Variants in TENM3 observed in about 807,000 individuals in gnomAD.
TENM3 encodes the protein teneurin transmembrane protein 3.
Under a neutral mutation model 255.1 loss-of-function variants are expected in TENM3, and 63 were observed. The ratio of observed to expected loss-of-function variants is 0.25; its 90% CI spans 0.20 to 0.30. The LOEUF is 0.30. TENM3 is among the 10% of genes least tolerant of loss of function. TENM3 has a pLI of 1.00. For synonymous variants in TENM3, 1,306 were observed against 1,322.3 expected (o/e 0.99, Z 0.27); for missense variants, 2,929 against 3,461.1 (o/e 0.85, Z 3.86).
At chr4:181,624,019 T>C in the TENM3 span, among the ~76,000 whole-genome samples, 1 of 152,198 alleles carries the variant, frequency 6.6e-6, no homozygotes. Flanking sequence ...AGGAGTGAAA[T>C]TGCCTTTTTG....
chr4:182,799,916 C>T lies in TENM3; in HGVS notation c.7665C>T (p.Pro2555=). The change falls in exon 28 of 28, where the codon CCC becomes CCT. Residue 2555 remains proline, a synonymous_variant. Transcript: ENST00000511685. The surrounding 1 kb of genome is among the most constrained non-coding windows in gnomAD (Gnocchi z 4.2). ...DTHYFIKTTT[P]ESDLGTLRLT... ...ACTACTTCATCAAGACCACCACGCC[C>T]GAGAGCGACCTGGGCACGCTGCGGT... 1.2e-6 allele frequency: 2 copies of T among 1,604,102 alleles called. No individual in the cohort carries two copies. Among genetic ancestry groups the T allele is most frequent in the Non-Finnish European group, 1.7e-6 (2 of 1,175,736 alleles).
At chr4:182,261,391 G>A (rs770681224) in intron 1 of TENM3, among the ~76,000 whole-genome samples, 2 of 152,066 alleles carry the variant, frequency 1.3e-5, no homozygotes, top group East Asian at 1.9e-4. Flanking sequence ...TGGCTGTTCC[G>A]GCATCGTGAG....
At chr4:182,750,575 C>T (rs910128918) in intron 19 of TENM3, among the ~76,000 whole-genome samples, 33 of 152,084 alleles carry the variant, frequency 2.2e-4, no homozygotes, top group African/African-American at 7.7e-4. Flanking sequence ...AGAACCTAAC[C>T]TCATTGGTAA....
chr4:181,901,116 A>G, the TENM3 span, among the ~76,000 whole-genome samples: 1 of 152,218 alleles, frequency 6.6e-6, no homozygotes. Context: ...CCCAAAAATC[A>G]TAGCCCTTCT....
intron 3 of TENM3, among the ~76,000 whole-genome samples, chr4:182,518,024 T>C (rs1285411419): frequency 6.6e-6 from 1 of 152,180 alleles, no homozygotes; most frequent in African/African-American, 2.4e-5. Flanking sequence ...AGATCCTCTT[T>C]TTCTTGATCT....
rs183252222 is a variant in TENM3, at chr4:182,775,321, G to C, written c.5304+168G>C. 3.9e-5 allele frequency among the ~76,000 whole-genome samples: 6 copies of C among 152,254 alleles called. No homozygotes were observed. In the East Asian group the frequency reaches 1.2e-3, roughly 29 times the overall value. ...TGGGCCTGTTCTGGCAGGTGCAGCT[G>C]GGGAGGCTGGAGGGAGGTCAGGTCG... is the stretch of plus-strand genomic sequence containing the variant. On this transcript the variant is annotated intron_variant, in intron 24 of 27. Transcript: ENST00000511685.
intron 5 of TENM3, among the ~76,000 whole-genome samples, chr4:182,652,218 A>T (rs1753370827): frequency 1.3e-5 from 2 of 152,246 alleles, no homozygotes; most frequent in African/African-American, 4.8e-5. Context: ...ATGTCTTATA[A>T]ATGAGATACG....
intron 2 of TENM3, among the ~76,000 whole-genome samples, chr4:182,345,899 G>T (rs906937016): frequency 2.0e-5 from 3 of 152,018 alleles, no homozygotes; most frequent in African/African-American, 7.2e-5. Context: ...TTTTTAGAGT[G>T]CACTTTATTT....
At chr4:181,479,729 CATGT>C in the TENM3 span, among the ~76,000 whole-genome samples, 1 of 152,034 alleles carries the variant, frequency 6.6e-6, no homozygotes, top group South Asian at 2.1e-4. Flanking sequence ...AACTGTTCTC[CATGT>C]ATGTATATAT....
At chr4:181,696,153 A>G in the TENM3 span, among the ~76,000 whole-genome samples, 1 of 152,218 alleles carries the variant, frequency 6.6e-6, no homozygotes, top group African/African-American at 2.4e-5. Flanking sequence ...CATTCCAGCT[A>G]TCGATGTACA....
chr4:181,924,994 G>A, the TENM3 span, among the ~76,000 whole-genome samples: 2 of 152,182 alleles, frequency 1.3e-5, no homozygotes, highest in Non-Finnish European at 2.9e-5. Flanking sequence ...CCTTATTGGT[G>A]TCAAATACAA....
At chr4:182,373,937 C>T (rs1016519693) in intron 3 of TENM3, among the ~76,000 whole-genome samples, 4 of 152,104 alleles carry the variant, frequency 2.6e-5, no homozygotes, top group Admixed American at 1.3e-4. Context: ...TTCTTTACCT[C>T]GTTTCTTATT....
At chr4:182,616,356 A>G (rs1749514040) in intron 4 of TENM3, among the ~76,000 whole-genome samples, 1 of 129,930 alleles carries the variant, frequency 7.7e-6, no homozygotes, top group Non-Finnish European at 1.6e-5. Context: ...GGAATATCAC[A>G]CTCTGGGGAC....
At chr4:181,929,346 T>A in the TENM3 span, among the ~76,000 whole-genome samples, 6 of 142,472 alleles carry the variant, frequency 4.2e-5, no homozygotes, top group African/African-American at 7.9e-5. Flanking sequence ...ACCAAGCAAA[T>A]GGAAAGGCAA....
chr4:181,749,566 C>T, the TENM3 span, among the ~76,000 whole-genome samples: 1 of 152,170 alleles, frequency 6.6e-6, no homozygotes, highest in Non-Finnish European at 1.5e-5. Flanking sequence ...AAGTCTCTCT[C>T]TGCTTTTCAT....
intron 3 of TENM3, among the ~76,000 whole-genome samples, chr4:182,421,558 A>G (rs572972802): frequency 1.3e-5 from 2 of 152,294 alleles, no homozygotes; most frequent in South Asian, 2.1e-4. Context: ...CTGTTAGTAA[A>G]TGTTTAGCCT....
In TENM3 at chr4:182,243,680, A is replaced by G. The variant is rs74913545; in HGVS notation, c.-76+204A>G. Among the ~76,000 whole-genome samples the G allele has an allele frequency of 6.4e-3, 980 of 152,328 alleles. 10 individuals carry two copies. Among genetic ancestry groups the G allele is most frequent in the African/African-American group, 0.022 (928 of 41,574 alleles). ...AGTGTTGGGACACGGAAGCTGAGGA[A>G]AAGAGCAGTTCAAGATGCTTGAAAT... On this transcript the variant is annotated intron_variant, in intron 1 of 27. Transcript: ENST00000511685.
intron 4 of TENM3, among the ~76,000 whole-genome samples, chr4:182,611,541 T>C (rs1020635919): frequency 1.3e-5 from 2 of 152,128 alleles, no homozygotes; most frequent in African/African-American, 2.4e-5. Context: ...GGCAAGCTAA[T>C]CAGTAGCTAT....
chr4:182,592,498 T>G (rs1301160800), intron 3 of TENM3, among the ~76,000 whole-genome samples: 1 of 152,084 alleles, frequency 6.6e-6, no homozygotes, highest in Non-Finnish European at 1.5e-5. Context: ...CCAAGGTGGG[T>G]GGATCACCTG....
Sources: allele counts gnomAD v4.1 joint callset (sites outside exome capture counted in the v4.1 genomes callset), GRCh38; gene constraint gnomAD v4.1.1; non-coding constraint Gnocchi (gnomAD v3.1); transcripts MANE v1.5; gene names NCBI Gene and HGNC (gene_info 2026-07-23, HGNC 2026-07-21).